Variants in HCRTR2 observed in about 807,000 individuals in gnomAD.
The protein encoded by HCRTR2 is orexin receptor type 2.
Under a neutral mutation model 49.0 loss-of-function variants are expected in HCRTR2, and 22 were observed. The ratio of observed to expected loss-of-function variants is 0.45; its 90% CI spans 0.32 to 0.64. The LOEUF (loss-of-function observed/expected upper bound fraction) is 0.64, where lower values mean the gene tolerates loss of function less well. Ranked by LOEUF, HCRTR2 falls within the 30% of genes least tolerant of loss-of-function variation. The pLI, the probability that HCRTR2 is intolerant of heterozygous loss-of-function variation, is 0.04. For synonymous variants in HCRTR2, 236 were observed against 205.3 expected (o/e 1.15, Z -1.28); for missense variants, 491 against 559.4 (o/e 0.88, Z 1.23).
chr6:55,262,322 T>C (rs1456846269), intron 3 of HCRTR2, among the ~76,000 whole-genome samples: 2 of 142,480 alleles, frequency 1.4e-5, no homozygotes, highest in African/African-American at 5.2e-5. Flanking sequence ...TATATAAATA[T>C]ATATTATATG....
intron 1 of HCRTR2, among the ~76,000 whole-genome samples, chr6:55,218,800 C>T (rs560394394): frequency 2.2e-4 from 34 of 152,184 alleles, no homozygotes; most frequent in African/African-American, 7.9e-4. Flanking sequence ...GACAGCAATA[C>T]AACAATAGTA....
intron 1 of HCRTR2, among the ~76,000 whole-genome samples, chr6:55,139,035 C>A (rs140082983): frequency 6.6e-6 from 1 of 152,090 alleles, no homozygotes; most frequent in South Asian, 2.1e-4. Context: ...AAATTGGGAA[C>A]ACAAATTTCA....
At chr6:55,161,539 A>G (rs567240925) in intron 1 of HCRTR2, among the ~76,000 whole-genome samples, 1 of 152,312 alleles carries the variant, frequency 6.6e-6, no homozygotes, top group East Asian at 1.9e-4. Flanking sequence ...CAATGAATCC[A>G]AGAGCTGTTT....
chr6:55,195,746 C>T (rs977953258), intron 1 of HCRTR2, among the ~76,000 whole-genome samples: 7 of 151,946 alleles, frequency 4.6e-5, no homozygotes, highest in Admixed American at 1.3e-4. Flanking sequence ...TCGAGGTGGG[C>T]GGATCACAAG....
At chr6:55,123,081 T>G (rs1040371653) in intron 1 of HCRTR2, among the ~76,000 whole-genome samples, 1 of 151,682 alleles carries the variant, frequency 6.6e-6, no homozygotes, top group African/African-American at 2.4e-5. Flanking sequence ...CAAACCTGCA[T>G]GTTGTGCACA....
At chr6:55,267,797 G>T (rs2127325012) in intron 4 of HCRTR2, among the ~76,000 whole-genome samples, 1 of 152,010 alleles carries the variant, frequency 6.6e-6, no homozygotes, top group East Asian at 1.9e-4. Context: ...AATAATATTT[G>T]ATGATGACAA....
intron 1 of HCRTR2, among the ~76,000 whole-genome samples, chr6:55,107,218 T>C (rs1018328334): frequency 6.6e-6 from 1 of 152,114 alleles, no homozygotes; most frequent in Admixed American, 6.6e-5. Context: ...TAAAGTCTTA[T>C]AGCATTATCT....
At chr6:55,236,668 T>A (rs540972059) in intron 1 of HCRTR2, among the ~76,000 whole-genome samples, 25 of 152,244 alleles carry the variant, frequency 1.6e-4, no homozygotes, top group Non-Finnish European at 2.6e-4. Flanking sequence ...TAGCTGTCAA[T>A]CCCAATATGA....
intron 1 of HCRTR2, among the ~76,000 whole-genome samples, chr6:55,120,731 G>A (rs1764186415): frequency 6.6e-6 from 1 of 151,886 alleles, no homozygotes; most frequent in African/African-American, 2.4e-5. Flanking sequence ...CTTTCTATTT[G>A]AATACCATTT....
At chr6:55,154,652 AAGTCCT>A (rs1764706446) in intron 1 of HCRTR2, among the ~76,000 whole-genome samples, 1 of 151,602 alleles carries the variant, frequency 6.6e-6, no homozygotes, top group Non-Finnish European at 1.5e-5. Context: ...ATAGTGCTTG[AAGTCCT>A]AGTCTGGACA....
At chr6:55,147,641 C>G (rs887206431) in intron 1 of HCRTR2, among the ~76,000 whole-genome samples, 1 of 152,128 alleles carries the variant, frequency 6.6e-6, no homozygotes, top group African/African-American at 2.4e-5. Context: ...ATGATGTTAT[C>G]TTTCTATAAT....
chr6:55,209,741 T>A (rs938163060), intron 1 of HCRTR2, among the ~76,000 whole-genome samples: 4 of 152,208 alleles, frequency 2.6e-5, no homozygotes, highest in Non-Finnish European at 5.9e-5. Flanking sequence ...CAATACTTAC[T>A]TTAAAGTAGG....
chr6:55,155,869 G>T (rs1266269545), intron 1 of HCRTR2, among the ~76,000 whole-genome samples: 1 of 151,930 alleles, frequency 6.6e-6, no homozygotes, highest in Non-Finnish European at 1.5e-5. Context: ...AAGCATGAGA[G>T]AAATACCTAG....
intron 4 of HCRTR2, among the ~76,000 whole-genome samples, chr6:55,274,809 G>T (rs1379098897): frequency 1.3e-5 from 2 of 152,010 alleles, no homozygotes; most frequent in African/African-American, 4.8e-5. Flanking sequence ...GCTGTCTTTT[G>T]TTGCCATATC....
Position 55,219,282 on chromosome 6 carries a change from G to C in HCRTR2, c.224-29357G>C, listed in dbSNP as rs191485664. The stretch of plus-strand genomic sequence containing the variant: ...GCACACACATATATTATCCAGAATA[G>C]ATCATATGCTGTGTCACAAAACATG... On this transcript the variant is annotated intron_variant, in intron 1 of 6. Transcript: ENST00000370862. Among the ~76,000 whole-genome samples the C allele has an allele frequency of 8.5e-5, 13 of 152,286 alleles. No individual in the cohort carries two copies. The East Asian group carries it at 2.1e-3, about 25-fold the overall frequency.
At chr6:55,106,571 A>C (rs4236122) in intron 1 of HCRTR2, 2 of 151,860 alleles carry the variant, frequency 1.3e-5, no homozygotes, top group African/African-American at 4.8e-5. Context: ...CATTTACTCT[A>C]TATTTTTTCT....
intron 1 of HCRTR2, among the ~76,000 whole-genome samples, chr6:55,239,237 G>T (rs906822959): frequency 3.3e-5 from 5 of 152,192 alleles, no homozygotes; most frequent in African/African-American, 1.2e-4. Flanking sequence ...AGCCTTAAAG[G>T]CCTGTGAAGA....
chr6:55,139,205 A>C (rs966283824), intron 1 of HCRTR2, among the ~76,000 whole-genome samples: 1 of 152,226 alleles, frequency 6.6e-6, no homozygotes, highest in Non-Finnish European at 1.5e-5. Flanking sequence ...GGTCAGAATG[A>C]AAATTGTGGA....
At chr6:55,189,158 T>C (rs771182980) in intron 1 of HCRTR2, among the ~76,000 whole-genome samples, 10 of 152,152 alleles carry the variant, frequency 6.6e-5, no homozygotes, top group Non-Finnish European at 4.4e-5. Flanking sequence ...GTCTTGTCTG[T>C]AGTGTATTAT....
Sources: allele counts gnomAD v4.1 joint callset (sites outside exome capture counted in the v4.1 genomes callset), GRCh38; gene constraint gnomAD v4.1.1; transcripts MANE v1.5; gene names NCBI Gene and HGNC (gene_info 2026-07-23, HGNC 2026-07-21).